BSN: variants seen among roughly 807,000 people sequenced by gnomAD.
BSN encodes the protein protein bassoon.
A neutral mutation model predicts 264.8 loss-of-function variants in BSN; 57 were observed. That is an observed-to-expected ratio of 0.22 (90% confidence interval 0.17 to 0.27). The LOEUF is 0.27. Among genes scored for constraint, BSN ranks in the 10% least tolerant of loss-of-function variants. The probability of loss-of-function intolerance (pLI) is 1.00; values close to 1 mark genes in which losing one functional copy is unlikely to be tolerated. For missense variants in BSN, 4,615 were observed against 5,232.5 expected, an observed-to-expected ratio of 0.88 and a Z score of 3.64; for synonymous variants, 2,059 against 2,137.3, an observed-to-expected ratio of 0.96 and a Z score of 1.01.
intron 11 of BSN, among the ~76,000 whole-genome samples, 191 bp from the exon 12 acceptor site, chr3:49,667,399 T>G (rs556307625): frequency 3.9e-5 from 6 of 152,022 alleles, no homozygotes; most frequent in Admixed American, 3.9e-4. Flanking sequence ...GTCCTCTCTG[T>G]GACCTCCAAC....
chr3:49,651,251 A>G lies in BSN; in HGVS notation c.1986+172A>G. On this transcript the variant is annotated intron_variant, in intron 4 of 11. Transcript: ENST00000296452. This position sits in a 1 kb window ranked among gnomAD's most constrained non-coding sequence, Gnocchi z 5.4. The stretch of plus-strand genomic sequence containing the variant: ...CTAGATGAGGTTCTGGCACGCTTGG[A>G]GACTGTGGGTTTTACACTGGTGCTG... 1 of 703,588 alleles carries G rather than the reference A, an allele frequency of 1.4e-6. No individual in the cohort carries two copies. The highest frequency in any genetic ancestry group is 2.3e-6 in the Non-Finnish European group (1 of 438,972). The allele number at this position is 703,588 out of a possible 1,614,324, so 43.6% of individuals were successfully genotyped here.
chr3:49,601,753 C>T (rs1215041047), intron 1 of BSN, among the ~76,000 whole-genome samples: 3 of 152,174 alleles, frequency 2.0e-5, no homozygotes, highest in Admixed American at 6.6e-5. Context: ...TTGTATGTAT[C>T]ACTAGCATGG....
At chr3:49,605,491 T>A (rs1380666819) in intron 1 of BSN, among the ~76,000 whole-genome samples, 3 of 7,668 alleles carry the variant, frequency 3.9e-4, no homozygotes, top group African/African-American at 5.4e-4. Context: ...ATAATATATA[T>A]TATATATAAT....
intron 1 of BSN, 42 bp downstream of exon 1, chr3:49,554,868 C>A (rs2051652761): frequency 8.7e-7 from 1 of 1,148,466 alleles, no homozygotes; most frequent in Non-Finnish European, 1.1e-6. Context: ...TGAGCTGCAG[C>A]CTGAGGCCGG....
intron 1 of BSN, among the ~76,000 whole-genome samples, chr3:49,570,123 C>T (rs1345901849): frequency 6.6e-6 from 1 of 152,200 alleles, no homozygotes; most frequent in Non-Finnish European, 1.5e-5. Flanking sequence ...TCCCAATGGC[C>T]AAGCACTCAT....
chr3:49,575,296 G>GT (rs1186077082), intron 1 of BSN, among the ~76,000 whole-genome samples: 1 of 151,752 alleles, frequency 6.6e-6, no homozygotes, highest in African/African-American at 2.4e-5. Flanking sequence ...AGAGGTTGCA[G>GT]TAACCCGAGA....
Position 49,625,058 on chromosome 3 carries a change from C to G in BSN, c.308C>G (p.Thr103Ser). ...ACTCCGAAGCAGGCTTCTGCTACCA[C>G]TCCTGGCCATGAGAGCCCCCGAGAG... ...SPTPKQASATTPGHESPRETR... is the reference protein window; with the variant it reads ...SPTPKQASATSPGHESPRETR... The change falls in exon 2 of 12, where the codon ACT becomes AGT. Residue 103 changes from threonine (T) to serine (S), a missense_variant. This residue lies in a region of BSN where 1,197 missense variants were observed against 1,348.0 expected (regional missense o/e 0.89). Transcript: ENST00000296452. This position sits in a 1 kb window ranked among gnomAD's most constrained non-coding sequence, Gnocchi z 4.4. 1 of 1,605,324 alleles carries G rather than the reference C, an allele frequency of 6.2e-7. No individual in the cohort carries two copies. Among genetic ancestry groups the G allele is most frequent in the Non-Finnish European group, 8.5e-7 (1 of 1,176,396 alleles).
intron 3 of BSN, among the ~76,000 whole-genome samples, chr3:49,646,688 A>C (rs1188224133): frequency 6.6e-6 from 1 of 152,244 alleles, no homozygotes; most frequent in Non-Finnish European, 1.5e-5. Context: ...TGTGTGAGAA[A>C]GGAAGCGTCC....
At chr3:49,634,950 G>A (rs960782580) in intron 2 of BSN, among the ~76,000 whole-genome samples, 1 of 152,180 alleles carries the variant, frequency 6.6e-6, no homozygotes, top group Non-Finnish European at 1.5e-5. Flanking sequence ...GGTAGCGGGT[G>A]GGCTCTGGGA....
intron 2 of BSN, among the ~76,000 whole-genome samples, chr3:49,634,093 A>C (rs1207883620): frequency 4.6e-5 from 7 of 152,176 alleles, no homozygotes; most frequent in Non-Finnish European, 7.4e-5. Context: ...CTGTAGTCCC[A>C]GCTACTTGGG....
downstream of BSN, among the ~76,000 whole-genome samples, chr3:49,672,397 G>T (rs1406145608): frequency 6.6e-6 from 1 of 151,914 alleles, no homozygotes; most frequent in African/African-American, 2.4e-5. Context: ...GGTGGCTGGG[G>T]CCACTCATTC....
rs141228372 is a variant in BSN, at chr3:49,656,894, G to A, written c.7338G>A (p.Ala2446=). 3.2e-5 allele frequency: 52 copies of A among 1,600,430 alleles called. No homozygotes were observed. In the African/African-American group the frequency reaches 5.6e-4, roughly 17 times the overall value. The change falls in exon 5 of 12, where the codon GCG becomes GCA. Residue 2446 remains alanine, a synonymous_variant. Coordinates refer to ENST00000296452, the MANE Select transcript of BSN (RefSeq NM_003458.4). ...TTGCACTGCAGCGGGAACAGCTAGC[G>A]CAGCAGCGTCTGCAGCTGGAGCAGA... ...AQFALQREQL[A]QQRLQLEQIQ... is the part of the protein sequence containing the mutation.
At chr3:49,631,004 G>A (rs894568331) in intron 2 of BSN, among the ~76,000 whole-genome samples, 3 of 152,152 alleles carry the variant, frequency 2.0e-5, no homozygotes, top group Non-Finnish European at 4.4e-5. Context: ...CACTGAGTCA[G>A]AGGGCAGCCC....
chr3:49,554,561 GGGCGCA>G lies in BSN; in HGVS notation c.-40_-35del. ...AGCACCGCCCGGGAGCCGCCGGCCCGGGCGCAGCGCGACCCCGACCCCGCCCGCCCG... is the reference window on the plus strand; with the variant it reads ...AGCACCGCCCGGGAGCCGCCGGCCCGGCGCGACCCCGACCCCGCCCGCCCG... On this transcript the variant is annotated 5_prime_UTR_variant, in exon 1 of 12. Coordinates refer to ENST00000296452, the MANE Select transcript of BSN (RefSeq NM_003458.4). 1 of 805,140 alleles carries G rather than the reference GGGCGCA, an allele frequency of 1.2e-6. No individual in the cohort carries two copies. 49.9% of individuals were successfully genotyped at this position (805,140 alleles called of 1,614,324 possible). A position where few individuals can be genotyped will look rare whatever the true frequency, so the allele number is the denominator to read the frequency against.
intron 1 of BSN, among the ~76,000 whole-genome samples, chr3:49,613,332 G>GAGAGAGAGAGAGAGAGAGAGAGAGAGAGA: frequency 6.7e-6 from 1 of 149,774 alleles, no homozygotes; most frequent in African/African-American, 2.4e-5. Flanking sequence ...GAGAGAGAGA[G>GAGAGAGAGAGAGAGAGAGAGAGAGAGAGA]AGAGAGAGAG....
At chr3:49,590,711 A>G (rs1270928663) in intron 1 of BSN, among the ~76,000 whole-genome samples, 1 of 150,232 alleles carries the variant, frequency 6.7e-6, no homozygotes, top group Admixed American at 6.6e-5. Flanking sequence ...TATGTTATAA[A>G]CCCAATAAAG....
intron 1 of BSN, among the ~76,000 whole-genome samples, chr3:49,613,948 G>A (rs568193291): frequency 6.6e-6 from 1 of 151,594 alleles, no homozygotes; most frequent in African/African-American, 2.4e-5. Flanking sequence ...TGGAGATGCT[G>A]TGATTAAAGG....
intron 1 of BSN, among the ~76,000 whole-genome samples, chr3:49,593,709 T>G (rs1296040814): frequency 6.6e-6 from 1 of 151,942 alleles, no homozygotes; most frequent in African/African-American, 2.4e-5. Flanking sequence ...CTGTTCATGT[T>G]TTTTGCTGTT....
chr3:49,627,298 G>T (rs1169831558), intron 2 of BSN, among the ~76,000 whole-genome samples: 1 of 152,124 alleles, frequency 6.6e-6, no homozygotes, highest in East Asian at 1.9e-4. Context: ...ACCCAGTTTG[G>T]GAATTGCTGA....
Sources: allele counts gnomAD v4.1 joint callset (sites outside exome capture counted in the v4.1 genomes callset), GRCh38; gene constraint gnomAD v4.1.1; regional missense constraint gnomAD v4.1.1; non-coding constraint Gnocchi (gnomAD v3.1); transcripts MANE v1.5; gene names NCBI Gene and HGNC (gene_info 2026-07-23, HGNC 2026-07-21).